The following TNFRSF21 variants were observed in gnomAD, a reference collection of about 807,000 sequenced individuals.
TNFRSF21 encodes the protein tumor necrosis factor receptor superfamily member 21.
TNFRSF21 carries 19 observed loss-of-function variants against 45.6 expected under a neutral mutation model. The observed-to-expected ratio is 0.42, with a 90% confidence interval of 0.29 to 0.61. TNFRSF21 has a LOEUF of 0.61. Among genes scored for constraint, TNFRSF21 ranks in the 20% least tolerant of loss-of-function variants. The pLI is 0.23. For missense variants in TNFRSF21, 737 were observed against 851.5 expected, an observed-to-expected ratio of 0.87 and a Z score of 1.67; for synonymous variants, 314 against 335.5, an observed-to-expected ratio of 0.94 and a Z score of 0.70.
At chr6:47,284,531 C>A in intron 2 of TNFRSF21, 99 bp from the exon 3 acceptor site, 1 of 1,327,854 alleles carries the variant, frequency 7.5e-7, no homozygotes, top group Non-Finnish European at 9.9e-7. Flanking sequence ...GCCAGATAAT[C>A]AAAGATAAGA....
intron 3 of TNFRSF21, among the ~76,000 whole-genome samples, chr6:47,265,473 A>C (rs1422746610): frequency 6.6e-6 from 1 of 152,146 alleles, no homozygotes; most frequent in Non-Finnish European, 1.5e-5. Context: ...GATTCTGATC[A>C]TTAAGGGACA....
chr6:47,308,889 G>A (rs1218722693), intron 1 of TNFRSF21, among the ~76,000 whole-genome samples: 14 of 152,220 alleles, frequency 9.2e-5, no homozygotes, highest in Admixed American at 9.2e-4. Context: ...TGCACCGCGC[G>A]ACAGCACCCG....
chr6:47,302,560 CACACCATAG>C (rs1456382818), intron 1 of TNFRSF21, among the ~76,000 whole-genome samples: 1 of 152,212 alleles, frequency 6.6e-6, no homozygotes, highest in Non-Finnish European at 1.5e-5. Context: ...CCGTCAGAGT[CACACCATAG>C]GAAAATGCTT....
At chr6:47,289,034 G>A (rs1010270540) in intron 1 of TNFRSF21, among the ~76,000 whole-genome samples, 8 of 152,230 alleles carry the variant, frequency 5.3e-5, no homozygotes, top group Admixed American at 2.0e-4. Context: ...AGGTCCTTCT[G>A]AGAAGAGACT....
chr6:47,303,446 G>A (rs775443624), intron 1 of TNFRSF21, among the ~76,000 whole-genome samples: 3 of 152,116 alleles, frequency 2.0e-5, no homozygotes, highest in South Asian at 2.1e-4. Context: ...CTCTCTGAGC[G>A]CAACTTTCCC....
At chr6:47,283,620 C>G (rs1762599362) in intron 3 of TNFRSF21, among the ~76,000 whole-genome samples, 1 of 152,142 alleles carries the variant, frequency 6.6e-6, no homozygotes, top group South Asian at 2.1e-4. Flanking sequence ...GTTGCCAAAC[C>G]TCTCTAAACT....
intron 3 of TNFRSF21, 25 bp downstream of exon 3, chr6:47,283,913 C>A: frequency 1.3e-6 from 2 of 1,596,892 alleles, no homozygotes; most frequent in South Asian, 1.1e-5. Context: ...GATCTGTGAG[C>A]AAGGAGAGAA....
intron 1 of TNFRSF21, among the ~76,000 whole-genome samples, chr6:47,288,098 G>GCCT (rs1762673920): frequency 1.3e-5 from 2 of 152,244 alleles, no homozygotes; most frequent in African/African-American, 2.4e-5. Flanking sequence ...CAGAAGGTAT[G>GCCT]CAACAACGCT....
At chr6:47,306,070 A>T (rs1762936498) in intron 1 of TNFRSF21, among the ~76,000 whole-genome samples, 1 of 152,212 alleles carries the variant, frequency 6.6e-6, no homozygotes, top group Non-Finnish European at 1.5e-5. Flanking sequence ...TTAGATTCTG[A>T]AGACAAAGCA....
chr6:47,268,216 G>C (rs555630200), intron 3 of TNFRSF21, among the ~76,000 whole-genome samples: 1 of 152,248 alleles, frequency 6.6e-6, no homozygotes, highest in East Asian at 1.9e-4. Flanking sequence ...CTCCTAATGT[G>C]TAAAATTGGC....
chr6:47,245,586 CT>C (rs1386449766), intron 4 of TNFRSF21, among the ~76,000 whole-genome samples: 9 of 151,932 alleles, frequency 5.9e-5, no homozygotes, highest in Non-Finnish European at 1.2e-4. Flanking sequence ...TATTAAAATT[CT>C]ATGATGCATA....
intron 1 of TNFRSF21, among the ~76,000 whole-genome samples, chr6:47,288,710 C>T (rs2113865701): frequency 6.6e-6 from 1 of 152,350 alleles, no homozygotes; most frequent in Admixed American, 6.5e-5. Context: ...GCTGCCAGTT[C>T]CATGCACCAG....
At position 47,309,811 on chromosome 6, in the gene TNFRSF21, G is replaced by T; in HGVS notation, c.-300C>A. 1 of 325,056 alleles carries T rather than the reference G, an allele frequency of 3.1e-6. No individual in the cohort carries two copies. The highest frequency in any genetic ancestry group is 5.6e-6 in the Non-Finnish European group (1 of 178,726). The allele number at this position is 325,056 out of a possible 1,614,324, so 20.1% of individuals were successfully genotyped here. ...CTGAGGAGAACCAGGGAGGAGGACTGGGCGCGAGAGAGCAAAGGAACGACT... is the reference window on the plus strand; with the variant it reads ...CTGAGGAGAACCAGGGAGGAGGACTTGGCGCGAGAGAGCAAAGGAACGACT... On this transcript the variant is annotated 5_prime_UTR_variant, in exon 1 of 6. Coordinates refer to ENST00000296861, the MANE Select transcript of TNFRSF21 (RefSeq NM_014452.5).
intron 4 of TNFRSF21, among the ~76,000 whole-genome samples, chr6:47,243,675 C>A (rs1764781818): frequency 6.6e-6 from 1 of 152,174 alleles, no homozygotes; most frequent in South Asian, 2.1e-4. Flanking sequence ...ACCTTGGCCT[C>A]CCAAAGTGCT....
chr6:47,274,638 G>C (rs1194642225), intron 3 of TNFRSF21, among the ~76,000 whole-genome samples: 1 of 152,148 alleles, frequency 6.6e-6, no homozygotes, highest in East Asian at 1.9e-4. Context: ...ATTGACAAAT[G>C]GGATCTAATT....
chr6:47,305,149 C>T (rs73475457), intron 1 of TNFRSF21, among the ~76,000 whole-genome samples: 5,827 of 152,252 alleles, frequency 0.038, 385 homozygotes, highest in African/African-American at 0.13. Flanking sequence ...AGTGATTCCA[C>T]ATGAGCGAGT....
At chr6:47,270,081 A>G (rs530365971) in intron 3 of TNFRSF21, among the ~76,000 whole-genome samples, 78 of 152,296 alleles carry the variant, frequency 5.1e-4, no homozygotes, top group African/African-American at 1.8e-3. Context: ...ATAACTTAAG[A>G]AAGTTTTTAC....
intron 3 of TNFRSF21, among the ~76,000 whole-genome samples, chr6:47,265,256 T>C (rs1582332734): frequency 1.3e-5 from 2 of 152,226 alleles, no homozygotes; most frequent in East Asian, 3.8e-4. Context: ...AAGTAGGATA[T>C]CTGAGTGATT....
At chr6:47,300,050 G>A (rs1443569562) in intron 1 of TNFRSF21, among the ~76,000 whole-genome samples, 1 of 152,338 alleles carries the variant, frequency 6.6e-6, no homozygotes, top group East Asian at 1.9e-4. Context: ...GCTTGCAGTG[G>A]AAGACCAAAG....
Sources: allele counts gnomAD v4.1 joint callset (sites outside exome capture counted in the v4.1 genomes callset), GRCh38; gene constraint gnomAD v4.1.1; transcripts MANE v1.5; gene names NCBI Gene and HGNC (gene_info 2026-07-23, HGNC 2026-07-21).